The following COLEC12 variants were observed in gnomAD, a reference collection of about 807,000 sequenced individuals.
COLEC12 encodes the protein collectin subfamily member 12, also known as collectin-12.
Under a neutral mutation model 71.1 loss-of-function variants are expected in COLEC12, and 33 were observed. The ratio of observed to expected loss-of-function variants is 0.46; its 90% CI spans 0.35 to 0.62. The LOEUF is 0.62. COLEC12 is among the 20% of genes least tolerant of loss of function. The probability of loss-of-function intolerance (pLI) is 0.00; values close to 1 mark genes in which losing one functional copy is unlikely to be tolerated. For synonymous variants in COLEC12, 350 were observed against 353.0 expected (o/e 0.99, Z 0.10); for missense variants, 765 against 916.1 (o/e 0.84, Z 2.13).
chr18:463,940 T>C lies in COLEC12; in HGVS notation c.58+16767A>G, dbSNP rs992461319. On this transcript the variant is annotated intron_variant, in intron 2 of 9. Transcript: ENST00000400256. ...TAGCTCACTAGCCTGGCCCATTCCCTGCACCTGCACCCTATGCCCTACAGC... is the reference window on the plus strand; with the variant it reads ...TAGCTCACTAGCCTGGCCCATTCCCCGCACCTGCACCCTATGCCCTACAGC... Among the ~76,000 whole-genome samples, 10 of 152,178 alleles carry C rather than the reference T, an allele frequency of 6.6e-5. No homozygotes were observed. The East Asian group carries it at 1.9e-3, about 29-fold the overall frequency.
chr18:421,163 G>T (rs137938228), intron 2 of COLEC12, among the ~76,000 whole-genome samples: 1 of 152,214 alleles, frequency 6.6e-6, no homozygotes, highest in Non-Finnish European at 1.5e-5. Context: ...CTATATTAAG[G>T]TTATATGCAT....
chr18:390,893 C>T lies in COLEC12; in HGVS notation c.59-33371G>A, dbSNP rs1209736665. Reference sequence around the variant, plus strand: ...TTGTCACTGTTTAGCAGCAAGCACACGGGCACAGGGACACTCCTTGCCTGT... The same window carrying T: ...TTGTCACTGTTTAGCAGCAAGCACATGGGCACAGGGACACTCCTTGCCTGT... On this transcript the variant is annotated intron_variant, in intron 2 of 9. Coordinates refer to ENST00000400256, the MANE Select transcript of COLEC12 (RefSeq NM_130386.3). Among the ~76,000 whole-genome samples the T allele has an allele frequency of 5.9e-5, 9 of 151,374 alleles. No homozygotes were observed. In the South Asian group the frequency reaches 6.2e-4, roughly 10 times the overall value.
intron 3 of COLEC12, among the ~76,000 whole-genome samples, chr18:352,379 C>T (rs1268760586): frequency 6.6e-6 from 1 of 152,152 alleles, no homozygotes; most frequent in East Asian, 1.9e-4. Context: ...TTCAAATATG[C>T]TGACAGTCAG....
In COLEC12 at chr18:499,296, C is replaced by A. The variant is rs114896319; in HGVS notation, c.7+1212G>T. On this transcript the variant is annotated intron_variant, in intron 1 of 9. Transcript: ENST00000400256. ...CTGGGGCAGACCACTTTTCACCTGG[C>A]CATCAGTCACCTCCCTTCCCGAGGT... Among the ~76,000 whole-genome samples, 938 of 152,304 alleles carry A rather than the reference C, an allele frequency of 6.2e-3. 18 individuals carry two copies. The highest frequency in any genetic ancestry group is 0.021 in the African/African-American group (876 of 41,554).
intron 1 of COLEC12, among the ~76,000 whole-genome samples, chr18:494,339 T>C (rs559657349): frequency 9.9e-5 from 15 of 152,230 alleles, no homozygotes; most frequent in Non-Finnish European, 2.1e-4. Context: ...AATTAACTTA[T>C]TGCTGGGAGG....
intron 8 of COLEC12, 55 bp downstream of exon 8, chr18:331,613 T>C (rs1264857637): frequency 1.7e-6 from 2 of 1,150,726 alleles, no homozygotes; most frequent in Admixed American, 1.7e-5. Context: ...GGGCAAGAAG[T>C]GACAACAGAA....
chr18:331,000 C>T (rs2143428633), intron 8 of COLEC12, among the ~76,000 whole-genome samples: 1 of 152,134 alleles, frequency 6.6e-6, no homozygotes, highest in Non-Finnish European at 1.5e-5. Flanking sequence ...CTGCCTCAGC[C>T]TCCCGAGTAG....
chr18:433,245 G>A (rs947289135), intron 2 of COLEC12, among the ~76,000 whole-genome samples: 1 of 151,902 alleles, frequency 6.6e-6, no homozygotes, highest in Non-Finnish European at 1.5e-5. Context: ...TCCTATGAGG[G>A]AAAAAAGGAT....
chr18:498,377 T>TTTTTTTTTTTTTTTTTTTG lies in COLEC12; in HGVS notation c.7+2130_7+2131insCAAAAAAAAAAAAAAAAAA, dbSNP rs1178071975. On this transcript the variant is annotated intron_variant, in intron 1 of 9. Transcript: ENST00000400256. ...ATATTTTTTTTCTTTTTTTTTTTTT[T>TTTTTTTTTTTTTTTTTTTG]AGACGGAGTCTCGCTCTTGTCACCC... Among the ~76,000 whole-genome samples the TTTTTTTTTTTTTTTTTTTG allele has an allele frequency of 3.7e-4, 51 of 138,288 alleles. 2 individuals carry two copies. Among genetic ancestry groups the TTTTTTTTTTTTTTTTTTTG allele is most frequent in the African/African-American group, 1.2e-3 (43 of 34,884 alleles). 90.7% of individuals were successfully genotyped at this position (138,288 alleles called of 152,430 possible).
At chr18:324,480 C>A (rs1427978293) in intron 8 of COLEC12, among the ~76,000 whole-genome samples, 1 of 140,502 alleles carries the variant, frequency 7.1e-6, no homozygotes, top group East Asian at 1.9e-4. Context: ...CTCCAGTAAG[C>A]TGGAAACACA....
In COLEC12 at chr18:317,003, C is replaced by G. The variant is rs1913563891; in HGVS notation, c.*3042G>C. On this transcript the variant is annotated 3_prime_UTR_variant, in exon 10 of 10. Transcript: ENST00000400256. ...CTTTGGGAGGCCAAGGCGGGTGGATCACCTGAGGTCAGGAGTTTGAGACCA... is the reference window on the plus strand; with the variant it reads ...CTTTGGGAGGCCAAGGCGGGTGGATGACCTGAGGTCAGGAGTTTGAGACCA... The G allele has an allele frequency of 6.6e-6, 1 of 152,190 alleles. No individual in the cohort carries two copies. The highest frequency in any genetic ancestry group is 1.5e-5 in the Non-Finnish European group (1 of 68,058). 9.4% of individuals were successfully genotyped at this position (152,190 alleles called of 1,614,324 possible). A position where few individuals can be genotyped will look rare whatever the true frequency, so the allele number is the denominator to read the frequency against.
Position 346,821 on chromosome 18 carries a change from C to T in COLEC12, c.801G>A (p.Thr267=), listed in dbSNP as rs3826628. The change falls in exon 5 of 10, where the codon ACG becomes ACA. Residue 267 remains threonine, a synonymous_variant. Transcript: ENST00000400256. This position sits in a 1 kb window ranked among gnomAD's most constrained non-coding sequence, Gnocchi z 4.0. ...CCAACGCAGAGTTGTTGGCAGCCAG[C>T]GTCTGCAAGCTCTGCACTTTCTCCT... The part of the protein sequence containing the change: ...WLKEKVQSLQ[T]LAANNSALAK... 410,986 of 1,613,804 alleles carry T rather than the reference C, an allele frequency of 0.25. 53,292 individuals are homozygous for T. The highest frequency in any genetic ancestry group is 0.33 in the Admixed American group (19,592 of 60,008).
rs1012846039 is a variant in COLEC12 at position 495,551 on chromosome 18, A to G, written c.7+4957T>C. On this transcript the variant is annotated intron_variant, in intron 1 of 9. Transcript: ENST00000400256. Reference sequence around the variant, plus strand: ...AAGCTACACAGGGAAGCAATCCTGAAATCTGCTTTATCTTTGCAACAGCTC... The same window carrying G: ...AAGCTACACAGGGAAGCAATCCTGAGATCTGCTTTATCTTTGCAACAGCTC... Among the ~76,000 whole-genome samples, 7 of 152,302 alleles carry G rather than the reference A, an allele frequency of 4.6e-5. No homozygotes were observed. The East Asian group carries it at 1.2e-3, about 25-fold the overall frequency.
At chr18:479,666 C>A (rs1006642806) in intron 2 of COLEC12, among the ~76,000 whole-genome samples, 1 of 152,172 alleles carries the variant, frequency 6.6e-6, no homozygotes. Flanking sequence ...ATCCTCCAAT[C>A]CCTGGAGCTG....
chr18:411,274 CAG>C (rs1305671585), intron 2 of COLEC12, among the ~76,000 whole-genome samples: 5 of 152,268 alleles, frequency 3.3e-5, no homozygotes, highest in African/African-American at 1.2e-4. Context: ...TGATGTGATT[CAG>C]AGTCTAGTAA....
intron 2 of COLEC12, among the ~76,000 whole-genome samples, chr18:359,003 T>C (rs1914687214): frequency 6.6e-6 from 1 of 151,192 alleles, no homozygotes; most frequent in African/African-American, 2.4e-5. Flanking sequence ...ATTACGATGA[T>C]AATTTCAATA....
At position 346,908 on chromosome 18, in the gene COLEC12, C is replaced by G. The variant is rs1914390355; in HGVS notation, c.714G>C (p.Lys238Asn). ...DDTSQAIQRI[K>N]NDFQNLQQVF... is the part of the protein sequence containing the mutation. ...CCTGCTGCAGATTTTGAAAGTCGTT[C>G]TTGATTCGCTGGATAGCCTGGCTTG... is the stretch of plus-strand genomic sequence containing the variant. The change falls in exon 5 of 10, where the codon AAG becomes AAC. Residue 238 changes from lysine (K) to asparagine (N), a missense_variant. Physicochemically the swap from Lys to Asn is moderately conservative, Grantham distance 94. Transcript: ENST00000400256. This position sits in a 1 kb window ranked among gnomAD's most constrained non-coding sequence, Gnocchi z 4.0. 6.2e-7 allele frequency: 1 copy of G among 1,614,038 alleles called. No homozygotes were observed. Among genetic ancestry groups the G allele is most frequent in the Non-Finnish European group, 8.5e-7 (1 of 1,180,012 alleles).
In COLEC12 at chr18:347,763, G is replaced by C. The variant is rs529562665; in HGVS notation, c.280+302C>G. Among the ~76,000 whole-genome samples the C allele has an allele frequency of 2.0e-5, 3 of 152,140 alleles. No individual in the cohort carries two copies. The East Asian group carries it at 5.8e-4, about 29-fold the overall frequency. On this transcript the variant is annotated intron_variant, in intron 4 of 9. Coordinates refer to ENST00000400256, the MANE Select transcript of COLEC12 (RefSeq NM_130386.3). ...GTTTAAAGTATTTCAAAAATGCTCA[G>C]TAAATTCCTATTTATGTGACAGTTT...
intron 1 of COLEC12, among the ~76,000 whole-genome samples, chr18:494,561 C>G (rs1453452688): frequency 1.3e-5 from 2 of 152,154 alleles, no homozygotes; most frequent in African/African-American, 2.4e-5. Context: ...AGAGCCCACA[C>G]TCCTCGCCCA....
Sources: allele counts gnomAD v4.1 joint callset (sites outside exome capture counted in the v4.1 genomes callset), GRCh38; gene constraint gnomAD v4.1.1; non-coding constraint Gnocchi (gnomAD v3.1); transcripts MANE v1.5; gene names NCBI Gene and HGNC (gene_info 2026-07-23, HGNC 2026-07-21).